Variants in MAGI2 observed in about 807,000 individuals in gnomAD.
The protein encoded by MAGI2 is membrane associated guanylate kinase, WW and PDZ domain containing 2.
MAGI2 carries 35 observed loss-of-function variants against 133.3 expected under a neutral mutation model. The ratio of observed to expected loss-of-function variants is 0.26; its 90% CI spans 0.20 to 0.35. The LOEUF (loss-of-function observed/expected upper bound fraction) is 0.35. Among genes scored for constraint, MAGI2 ranks in the 10% least tolerant of loss-of-function variants. MAGI2 has a pLI of 1.00. For missense variants in MAGI2, 1,636 were observed against 1,863.4 expected (o/e 0.88, Z 2.25); for synonymous variants, 729 against 710.6 (o/e 1.03, Z -0.41).
intron 15 of MAGI2, among the ~76,000 whole-genome samples, chr7:78,165,220 A>T (rs1020475341): frequency 6.6e-6 from 1 of 152,106 alleles, no homozygotes; most frequent in African/African-American, 2.4e-5. Context: ...CCAGGCATGG[A>T]TCACTGAGGC....
At chr7:78,998,550 GAT>G (rs1364738383) in intron 2 of MAGI2, among the ~76,000 whole-genome samples, 1 of 152,098 alleles carries the variant, frequency 6.6e-6, no homozygotes, top group Non-Finnish European at 1.5e-5. Context: ...GTTACAAATA[GAT>G]AAAGCCAAGG....
At chr7:78,516,657 C>T (rs559445146) in intron 4 of MAGI2, among the ~76,000 whole-genome samples, 5 of 152,154 alleles carry the variant, frequency 3.3e-5, no homozygotes, top group Non-Finnish European at 7.4e-5. Context: ...CCTGCCATGA[C>T]CTAGTTTTGG....
intron 2 of MAGI2, among the ~76,000 whole-genome samples, chr7:78,768,755 GAATT>G (rs1196531295): frequency 3.3e-5 from 5 of 152,082 alleles, no homozygotes; most frequent in African/African-American, 1.2e-4. Flanking sequence ...AAAATTTAAA[GAATT>G]ATTATTTTTT....
intron 21 of MAGI2, chr7:78,065,423 A>T: frequency 4.3e-6 from 2 of 467,260 alleles, no homozygotes; most frequent in Non-Finnish European, 3.7e-6. Flanking sequence ...TATCCTTATC[A>T]CTTATAAGGT....
chr7:78,345,828 TCAAAATGG>T, intron 8 of MAGI2, 86 bp downstream of exon 8: 1 of 1,534,196 alleles, frequency 6.5e-7, no homozygotes, highest in South Asian at 1.2e-5. Context: ...AATCAATTTT[TCAAAATGG>T]TCCAAGCTAC....
At chr7:78,518,771 T>A (rs1796250860) in intron 4 of MAGI2, 1 of 152,184 alleles carries the variant, frequency 6.6e-6, no homozygotes, top group South Asian at 2.1e-4. Context: ...CTCACTCTGT[T>A]GCCCAGGCTG....
intron 3 of MAGI2, among the ~76,000 whole-genome samples, chr7:78,604,730 T>C (rs1805617320): frequency 6.6e-6 from 1 of 152,202 alleles, no homozygotes; most frequent in South Asian, 2.1e-4. Context: ...GTATAAGAAA[T>C]GTATTTCTCT....
intron 21 of MAGI2, among the ~76,000 whole-genome samples, chr7:78,025,100 A>G (rs1408459265): frequency 6.6e-6 from 1 of 152,126 alleles, no homozygotes; most frequent in African/African-American, 2.4e-5. Flanking sequence ...CAGCCTCCCC[A>G]GCTTCATTTC....
At chr7:78,911,040 T>C (rs1023080117) in intron 2 of MAGI2, among the ~76,000 whole-genome samples, 2 of 152,230 alleles carry the variant, frequency 1.3e-5, no homozygotes, top group Non-Finnish European at 2.9e-5. Flanking sequence ...AAGTTTGTAA[T>C]AACTGACTTT....
At chr7:78,628,312 T>C (rs1808591010) in intron 2 of MAGI2, among the ~76,000 whole-genome samples, 1 of 146,258 alleles carries the variant, frequency 6.8e-6, no homozygotes, top group African/African-American at 2.5e-5. Context: ...AAGCCAGATA[T>C]ATAAGGTAGT....
rs184687727 is a variant in MAGI2 at position 79,302,992 on chromosome 7, T to G, written c.301+150028A>C. Among the ~76,000 whole-genome samples, 192 of 152,334 alleles carry G rather than the reference T, an allele frequency of 1.3e-3. 1 individual carries two copies. Among genetic ancestry groups the G allele is most frequent in the African/African-American group, 4.4e-3 (181 of 41,586 alleles). On this transcript the variant is annotated intron_variant, in intron 1 of 21. Coordinates refer to ENST00000354212, the MANE Select transcript of MAGI2 (RefSeq NM_012301.4). ...CACATGAGTCATACTGTTTAAACAT[T>G]AATAAACTGTATAAAAATATTTCTA... is the stretch of plus-strand genomic sequence containing the variant.
chr7:78,081,381 G>A (rs1416557397), intron 20 of MAGI2, among the ~76,000 whole-genome samples: 1 of 152,208 alleles, frequency 6.6e-6, no homozygotes, highest in Non-Finnish European at 1.5e-5. Flanking sequence ...TCTCAGTCTA[G>A]TTGGGAAGAA....
chr7:78,081,376 G>T (rs1026916812), intron 20 of MAGI2, among the ~76,000 whole-genome samples: 2 of 152,226 alleles, frequency 1.3e-5, no homozygotes, highest in Non-Finnish European at 2.9e-5. Context: ...TAAGTTCTCA[G>T]TCTAGTTGGG....
At chr7:78,665,503 G>A (rs1813456568) in intron 2 of MAGI2, among the ~76,000 whole-genome samples, 3 of 152,136 alleles carry the variant, frequency 2.0e-5, no homozygotes, top group Admixed American at 6.6e-5. Flanking sequence ...GCTGGTTAGA[G>A]AAAGGAGCCA....
intron 2 of MAGI2, among the ~76,000 whole-genome samples, chr7:78,770,583 TA>T (rs1449410728): frequency 6.6e-6 from 1 of 152,186 alleles, no homozygotes; most frequent in Non-Finnish European, 1.5e-5. Context: ...CCTGACAATC[TA>T]AGGCTGAAAC....
At position 79,453,643 on chromosome 7, in the gene MAGI2, A is replaced by T; in HGVS notation, c.-323T>A. The T allele has an allele frequency of 2.7e-6, 1 of 368,388 alleles. No individual in the cohort carries two copies. Among genetic ancestry groups the T allele is most frequent in the Non-Finnish European group, 3.7e-6 (1 of 273,302 alleles). 22.8% of individuals were successfully genotyped at this position (368,388 alleles called of 1,614,324 possible). On this transcript the variant is annotated 5_prime_UTR_variant, in exon 1 of 22. Transcript: ENST00000354212. ...GGCGGCGGCGGCAGCCGGAGCGAGC[A>T]GTAGCCGAGCTGGTGAGCGGGTGTG...
At chr7:78,886,455 T>G (rs10255452) in intron 2 of MAGI2, among the ~76,000 whole-genome samples, 6,760 of 152,266 alleles carry the variant, frequency 0.044, 504 homozygotes, top group African/African-American at 0.15. Flanking sequence ...ATTGACTGAT[T>G]GACTGACCAA....
chr7:79,104,802 G>C (rs982317441), intron 1 of MAGI2, among the ~76,000 whole-genome samples: 2 of 152,118 alleles, frequency 1.3e-5, no homozygotes, highest in African/African-American at 4.8e-5. Flanking sequence ...CTTTGGTGAG[G>C]TTCATTGCAA....
chr7:78,806,867 CAAAATAAAA>C (rs1788622378), intron 2 of MAGI2, among the ~76,000 whole-genome samples: 1 of 128,756 alleles, frequency 7.8e-6, no homozygotes, highest in Non-Finnish European at 1.6e-5. Flanking sequence ...CACCCTGTCT[CAAAATAAAA>C]TAAAATAAAA....
Sources: gnomAD v4.1 joint callset for allele counts (sites outside exome capture counted in the v4.1 genomes callset) on GRCh38, gnomAD v4.1.1 for gene constraint, MANE v1.5 for transcripts, NCBI Gene and HGNC (gene_info 2026-07-23, HGNC 2026-07-21) for gene names.